The following TBC1D32 variants were observed in gnomAD, a reference collection of about 807,000 sequenced individuals.
TBC1D32 encodes protein broad-minded.
Under a neutral mutation model 170.3 loss-of-function variants are expected in TBC1D32, and 151 were observed. The ratio of observed to expected loss-of-function variants is 0.89; its 90% CI spans 0.78 to 1.01. The LOEUF is 1.01. TBC1D32 is among the 50% of genes least tolerant of loss of function. The pLI, the probability that TBC1D32 is intolerant of heterozygous loss-of-function variation, is 0.00. For missense variants in TBC1D32, 1,464 were observed against 1,457.1 expected, an observed-to-expected ratio of 1.00 and a Z score of -0.08; for synonymous variants, 498 against 488.0, an observed-to-expected ratio of 1.02 and a Z score of -0.27.
chr6:121,299,411 T>C, intron 10 of TBC1D32, 35 bp downstream of exon 10: 2 of 1,468,614 alleles, frequency 1.4e-6, no homozygotes, highest in Non-Finnish European at 1.9e-6. Context: ...CTGGTGATAT[T>C]ATTTCTCAAC....
chr6:121,110,112 G>A (rs913712267), intron 29 of TBC1D32, among the ~76,000 whole-genome samples: 7 of 151,592 alleles, frequency 4.6e-5, no homozygotes, highest in South Asian at 2.1e-4. Context: ...TTATCTGGGC[G>A]TGGTGGCAGG....
intron 15 of TBC1D32, among the ~76,000 whole-genome samples, 174 bp from the exon 16 acceptor site, chr6:121,256,459 C>A (rs546403396): frequency 6.6e-6 from 1 of 151,936 alleles, no homozygotes; most frequent in Non-Finnish European, 1.5e-5. Flanking sequence ...GAACAGTTTC[C>A]GTGGGATGGA....
intron 17 of TBC1D32, among the ~76,000 whole-genome samples, chr6:121,247,695 CAAA>C (rs34914027): frequency 4.3e-5 from 2 of 46,568 alleles, no homozygotes; most frequent in Non-Finnish European, 7.1e-5. Flanking sequence ...GGCTTTAAAG[CAAA>C]AAAAAAAAAA....
At chr6:121,173,089 G>C (rs1266065630) in intron 22 of TBC1D32, among the ~76,000 whole-genome samples, 1 of 152,138 alleles carries the variant, frequency 6.6e-6, no homozygotes, top group Non-Finnish European at 1.5e-5. Context: ...ATTTGAGTCA[G>C]TGGGCTAGGA....
chr6:121,212,450 C>CTTT (rs3076854), intron 21 of TBC1D32, among the ~76,000 whole-genome samples: 14 of 102,100 alleles, frequency 1.4e-4, no homozygotes, highest in Admixed American at 4.7e-4. Context: ...GTCAATATCT[C>CTTT]TTTTTTTTTT....
chr6:121,326,682 T>C (rs1000088797), intron 1 of TBC1D32, among the ~76,000 whole-genome samples: 1 of 152,050 alleles, frequency 6.6e-6, no homozygotes, highest in Non-Finnish European at 1.5e-5. Context: ...CAGGTTTTAG[T>C]CCAAGTTCTA....
chr6:121,221,663 C>T (rs552318139), intron 21 of TBC1D32, among the ~76,000 whole-genome samples: 24 of 152,208 alleles, frequency 1.6e-4, no homozygotes, highest in Non-Finnish European at 2.6e-4. Context: ...TAACTACAGA[C>T]ATGGTGGAAA....
chr6:121,197,596 T>C (rs1790905879), intron 22 of TBC1D32, among the ~76,000 whole-genome samples: 2 of 152,234 alleles, frequency 1.3e-5, no homozygotes, highest in South Asian at 2.1e-4. Context: ...AGCATTTAAG[T>C]ATTGTTAACT....
intron 24 of TBC1D32, among the ~76,000 whole-genome samples, chr6:121,152,088 T>C (rs926800331): frequency 1.3e-5 from 2 of 152,248 alleles, no homozygotes; most frequent in Non-Finnish European, 2.9e-5. Context: ...CGTAGTTTCT[T>C]CACAGTGTTG....
At position 121,256,073 on chromosome 6, in the gene TBC1D32, A is replaced by G; in HGVS notation, c.1935+11T>C. ...TTGCAGGGAGAAAAAACGAAGCTTG[A>G]AAATACTTACCTTTTTCCATGCCTT... On this transcript the variant is annotated intron_variant, in intron 16 of 31. Transcript: ENST00000398212. The G allele has an allele frequency of 6.2e-7, 1 of 1,601,492 alleles. No homozygotes were observed. The highest frequency in any genetic ancestry group is 1.1e-5 in the South Asian group (1 of 87,858).
chr6:121,241,236 C>A (rs1744989816), intron 19 of TBC1D32, among the ~76,000 whole-genome samples: 1 of 151,850 alleles, frequency 6.6e-6, no homozygotes, highest in South Asian at 2.1e-4. Flanking sequence ...TCCGAGGCAA[C>A]AGAACAAGGT....
At chr6:121,141,406 C>T (rs1413509701) in intron 24 of TBC1D32, among the ~76,000 whole-genome samples, 2 of 152,052 alleles carry the variant, frequency 1.3e-5, no homozygotes, top group African/African-American at 4.8e-5. Flanking sequence ...GCACTTATCT[C>T]AAAAGAAACT....
intron 17 of TBC1D32, among the ~76,000 whole-genome samples, chr6:121,250,164 A>G (rs1263021770): frequency 6.6e-6 from 1 of 152,058 alleles, no homozygotes; most frequent in Admixed American, 6.6e-5. Context: ...AGATACAAAG[A>G]GAAGCTGGTA....
At chr6:121,150,695 TA>T (rs1290204044) in intron 24 of TBC1D32, among the ~76,000 whole-genome samples, 1 of 152,232 alleles carries the variant, frequency 6.6e-6, no homozygotes, top group Non-Finnish European at 1.5e-5. Flanking sequence ...GCTATTGGTC[TA>T]TTCAAGGATT....
At chr6:121,094,281 C>T (rs1451133122) in intron 30 of TBC1D32, among the ~76,000 whole-genome samples, 1 of 151,910 alleles carries the variant, frequency 6.6e-6, no homozygotes, top group African/African-American at 2.4e-5. Context: ...GATTCTCATG[C>T]CTCAGCCTCT....
intron 22 of TBC1D32, among the ~76,000 whole-genome samples, chr6:121,169,145 A>G (rs1001554950): frequency 6.6e-6 from 1 of 152,252 alleles, no homozygotes; most frequent in Non-Finnish European, 1.5e-5. Context: ...AGCTGGAAGC[A>G]TCACACTACC....
rs185936384 is a variant in TBC1D32 at position 121,268,907 on chromosome 6, G to A, written c.1733+10214C>T. Among the ~76,000 whole-genome samples, 61 of 152,266 alleles carry A rather than the reference G, an allele frequency of 4.0e-4. No individual in the cohort carries two copies. The East Asian group carries it at 4.4e-3, about 11-fold the overall frequency. On this transcript the variant is annotated intron_variant, in intron 15 of 31. Coordinates refer to ENST00000398212, the MANE Select transcript of TBC1D32 (RefSeq NM_152730.6). ...AAGAGAAGCCCATCAGACTAACAGC[G>A]GATCTCTCGGCAGACACTCTGCAAG...
In TBC1D32 at chr6:121,317,527, T is replaced by C. The variant is rs1264980487; in HGVS notation, c.463A>G (p.Asn155Asp). 1 of 1,611,102 alleles carries C rather than the reference T, an allele frequency of 6.2e-7. No individual in the cohort carries two copies. The highest frequency in any genetic ancestry group is 8.5e-7 in the Non-Finnish European group (1 of 1,178,722). Residue 155 changes from asparagine (N) to aspartate (D), a missense_variant, in exon 3 of 32, where the codon AAT becomes GAT. Around this residue, in one of 3 missense-constraint regions of TBC1D32, gnomAD observed 1,363 missense variants for 1,338.1 expected, o/e 1.02. Transcript: ENST00000398212. ...AATGATGAATCACTATCAGAGCAATTGTCTGTGCGGTAACTATGGCTTTTC... is the reference window on the plus strand; with the variant it reads ...AATGATGAATCACTATCAGAGCAATCGTCTGTGCGGTAACTATGGCTTTTC... ...KEKSHSYRTD[N>D]CSDSDSSLNQ...
chr6:121,240,517 A>G (rs1162768220), intron 19 of TBC1D32, among the ~76,000 whole-genome samples: 1 of 151,602 alleles, frequency 6.6e-6, no homozygotes, highest in Non-Finnish European at 1.5e-5. Flanking sequence ...TTATAATTCA[A>G]CTCTAAGCCT....
Sources: allele counts gnomAD v4.1 joint callset (sites outside exome capture counted in the v4.1 genomes callset), GRCh38; gene constraint gnomAD v4.1.1; regional missense constraint gnomAD v4.1.1; transcripts MANE v1.5; gene names NCBI Gene and HGNC (gene_info 2026-07-23, HGNC 2026-07-21).